Variants in CXorf38 observed in about 807,000 individuals in gnomAD.
CXorf38 encodes chromosome X open reading frame 38, also known as uncharacterized protein CXorf38.
CXorf38 carries 13 observed loss-of-function variants against 27.5 expected under a neutral mutation model. The observed-to-expected ratio is 0.47, with a 90% CI of 0.31 to 0.75. The LOEUF is 0.75. Ranked by LOEUF, CXorf38 falls within the 30% of genes least tolerant of loss-of-function variation. The pLI, the probability that CXorf38 is intolerant of heterozygous loss-of-function variation, is 0.05. For synonymous variants in CXorf38, 100 were observed against 99.8 expected (o/e 1.00, Z -0.01); for missense variants, 240 against 253.2 (o/e 0.95, Z 0.35).
At position 40,643,394 on chromosome X, in the gene CXorf38, A is replaced by G. The variant is rs767262761; in HGVS notation, c.351+3613T>C. The stretch of plus-strand genomic sequence containing the variant: ...ATTTTAGAACATTTTCATTGCCTCA[A>G]AAAGAAACCCCATACCCATTAGCTA... On this transcript the variant is annotated intron_variant, in intron 2 of 6. Transcript: ENST00000327877. 2.7e-5 allele frequency among the ~76,000 whole-genome samples: 3 copies of G among 112,438 alleles called. No individual in the cohort carries two copies. In the South Asian group the frequency reaches 1.1e-3, roughly 41 times the overall value.
At chrX:40,638,681 G>C in intron 3 of CXorf38, among the ~76,000 whole-genome samples, 1 of 112,041 alleles carries the variant, frequency 8.9e-6, no homozygotes, top group African/African-American at 3.2e-5. Context: ...GTTTATGGCA[G>C]AACAGGGAAG....
chrX:40,630,466 TCA>T (rs1204271890), intron 6 of CXorf38, 146 bp downstream of exon 6: 1 of 508,821 alleles, frequency 2.0e-6, no homozygotes, highest in Non-Finnish European at 3.1e-6. Context: ...AACACAAACC[TCA>T]GTGTCCTTTC....
rs1341449967 is a variant in CXorf38, at chrX:40,628,171, C to G, written c.*1993G>C. 1 of 112,061 alleles carries G rather than the reference C, an allele frequency of 8.9e-6. No individual in the cohort carries two copies. The highest frequency in any genetic ancestry group is 3.2e-5 in the African/African-American group (1 of 30,817). The allele number at this position is 112,061 out of a possible 1,213,427, so 9.2% of individuals were successfully genotyped here. ...ATAAAGGGAGAAAGAAAATGTAAGA[C>G]TAAAGACTAAATACTACCTGGACAG... On this transcript the variant is annotated 3_prime_UTR_variant, in exon 7 of 7. Coordinates refer to ENST00000327877, the MANE Select transcript of CXorf38 (RefSeq NM_144970.3).
At chrX:40,634,167 G>A (rs928881507) in intron 5 of CXorf38, among the ~76,000 whole-genome samples, 2 of 112,224 alleles carry the variant, frequency 1.8e-5, no homozygotes, top group Admixed American at 1.9e-4. Flanking sequence ...TGCAGGAGCT[G>A]TCACACTGAA....
rs144655042 is a variant in CXorf38, at chrX:40,645,175, G to A, written c.351+1832C>T. Reference sequence around the variant, plus strand: ...GTATGGGGCACAGGGTTGGGGGCAGGGGTGCATGAATAAGTGTGCCAAAGG... The same window carrying A: ...GTATGGGGCACAGGGTTGGGGGCAGAGGTGCATGAATAAGTGTGCCAAAGG... On this transcript the variant is annotated intron_variant, in intron 2 of 6. Transcript: ENST00000327877. Among the ~76,000 whole-genome samples, 439 of 111,346 alleles carry A rather than the reference G, an allele frequency of 3.9e-3. 3 individuals carry two copies. Among genetic ancestry groups the A allele is most frequent in the Admixed American group, 7.1e-3 (75 of 10,530 alleles).
intron 5 of CXorf38, among the ~76,000 whole-genome samples, chrX:40,635,572 A>G (rs1928032512): frequency 8.8e-6 from 1 of 113,191 alleles, no homozygotes; most frequent in Non-Finnish European, 1.9e-5. Context: ...ACCTTACTGG[A>G]ATATAATTCT....
At chrX:40,638,840 T>C (rs1016286921) in intron 3 of CXorf38, among the ~76,000 whole-genome samples, 169 bp downstream of exon 3, 2 of 111,806 alleles carry the variant, frequency 1.8e-5, no homozygotes, top group African/African-American at 6.5e-5. Flanking sequence ...TGCTTAGCGA[T>C]GCCAACTTCG....
intron 5 of CXorf38, among the ~76,000 whole-genome samples, chrX:40,631,882 G>A (rs886838974): frequency 9.0e-6 from 1 of 111,455 alleles, no homozygotes; most frequent in South Asian, 3.8e-4. Flanking sequence ...CGGGGAGCGG[G>A]GAGGGACAGG....
intron 2 of CXorf38, among the ~76,000 whole-genome samples, chrX:40,646,457 C>CA (rs201643558): frequency 0.022 from 2,469 of 111,377 alleles, 76 homozygotes; most frequent in African/African-American, 0.076. Context: ...CCTTACTGGG[C>CA]AAAAAAATTT....
In CXorf38 at chrX:40,627,505, A is replaced by C. The variant is rs1369032907; in HGVS notation, c.*2659T>G. On this transcript the variant is annotated 3_prime_UTR_variant, in exon 7 of 7. Transcript: ENST00000327877. ...TGCGCCCAGCTGCTATACATTGTTA[A>C]ACCTTTTGCTTTCTAGTTAATATGT... The C allele has an allele frequency of 8.9e-6, 1 of 111,988 alleles. No homozygotes were observed. Among genetic ancestry groups the C allele is most frequent in the Non-Finnish European group, 1.9e-5 (1 of 53,185 alleles). The allele number at this position is 111,988 out of a possible 1,213,427, so 9.2% of individuals were successfully genotyped here.
rs929022626 is a variant in CXorf38, at chrX:40,637,100, C to T, written c.528G>A (p.Thr176=). 6.7e-6 allele frequency: 8 copies of T among 1,200,914 alleles called. No homozygotes were observed. The highest frequency in any genetic ancestry group is 9.0e-6 in the Non-Finnish European group (8 of 888,254). Residue 176 remains threonine, a synonymous_variant, in exon 4 of 7, where the codon ACG becomes ACA. Transcript: ENST00000327877. ...MHSSEMKVSS[T]WLRDFQMKIQ... is the part of the protein sequence containing the mutation. ...TCTTCATCTGAAAATCTCGAAGCCA[C>T]GTAGAAGATACTTTCATCTCTGAAG...
intron 3 of CXorf38, 129 bp from the exon 4 acceptor site, chrX:40,637,285 GAGA>G: frequency 6.4e-6 from 3 of 465,686 alleles, no homozygotes; most frequent in Non-Finnish European, 1.0e-5. Context: ...GTCTTCAGAT[GAGA>G]AGGACTGGAA....
At chrX:40,631,225 GTATATA>G (rs58687784) in intron 5 of CXorf38, among the ~76,000 whole-genome samples, 1 of 100,697 alleles carries the variant, frequency 9.9e-6, no homozygotes, top group Non-Finnish European at 2.0e-5. Flanking sequence ...ATATACATGT[GTATATA>G]TATGTGTGTA....
Position 40,629,019 on chromosome X carries a change from GTTT to G in CXorf38, c.*1142_*1144del, listed in dbSNP as rs544265389. 2.0e-5 allele frequency: 2 copies of G among 101,564 alleles called. No individual in the cohort carries two copies. The highest frequency in any genetic ancestry group is 4.0e-5 in the Non-Finnish European group (2 of 50,242). The allele number at this position is 101,564 out of a possible 1,213,427, so 8.4% of individuals were successfully genotyped here. A position where few individuals can be genotyped will look rare whatever the true frequency, so the allele number is the denominator to read the frequency against. The stretch of plus-strand genomic sequence containing the variant: ...CAACCTAGTAGTAACAGTTTTTGGG[GTTT>G]TTTTTTTTTTGAGACAGGGTCTTGT... On this transcript the variant is annotated 3_prime_UTR_variant, in exon 7 of 7. Transcript: ENST00000327877.
At chrX:40,640,022 G>A in intron 2 of CXorf38, 1 of 194,011 alleles carries the variant, frequency 5.2e-6, no homozygotes, top group Non-Finnish European at 9.7e-6. Context: ...TCCTGCCAAG[G>A]GACTAGAACA....
chrX:40,633,387 G>A (rs765211766), intron 5 of CXorf38, among the ~76,000 whole-genome samples: 4 of 110,967 alleles, frequency 3.6e-5, no homozygotes, highest in Non-Finnish European at 7.6e-5. Flanking sequence ...CCTTCTCAAA[G>A]AGGCCACCCT....
intron 4 of CXorf38, 71 bp downstream of exon 4, chrX:40,636,936 C>A: frequency 1.0e-6 from 1 of 998,959 alleles, no homozygotes; most frequent in Non-Finnish European, 1.4e-6. Flanking sequence ...ACTTCAAATT[C>A]TAAATGTGTG....
intron 3 of CXorf38, among the ~76,000 whole-genome samples, chrX:40,638,468 C>T (rs1465206108): frequency 9.0e-6 from 1 of 111,593 alleles, no homozygotes; most frequent in Non-Finnish European, 1.9e-5. Context: ...TCTAAATTTC[C>T]CAGAGGAAAT....
At chrX:40,640,242 T>C (rs1442172677) in intron 2 of CXorf38, 1 of 319,579 alleles carries the variant, frequency 3.1e-6, no homozygotes, top group East Asian at 1.0e-4. Flanking sequence ...GGCAGGAGGA[T>C]TGCTTGAGCC....
Sources: gnomAD v4.1 joint callset for allele counts (sites outside exome capture counted in the v4.1 genomes callset) on GRCh38, gnomAD v4.1.1 for gene constraint, MANE v1.5 for transcripts, NCBI Gene and HGNC (gene_info 2026-07-23, HGNC 2026-07-21) for gene names.